DNAH11: variants seen among roughly 807,000 people sequenced by gnomAD.
DNAH11 encodes dynein axonemal heavy chain 11, also known as axonemal beta dynein heavy chain 11.
Under a neutral mutation model 526.0 loss-of-function variants are expected in DNAH11, and 442 were observed. That is an observed-to-expected ratio of 0.84 (90% CI 0.78 to 0.91). The LOEUF is 0.91. DNAH11 is among the 40% of genes least tolerant of loss of function. The pLI is 0.00. For missense variants in DNAH11, 6,989 were observed against 5,448.7 expected, an observed-to-expected ratio of 1.28 and a Z score of -8.90; for synonymous variants, 2,461 against 1,935.9, an observed-to-expected ratio of 1.27 and a Z score of -7.12.
intron 12 of DNAH11, among the ~76,000 whole-genome samples, chr7:21,590,177 A>G (rs1185450440): frequency 7.2e-5 from 11 of 152,300 alleles, no homozygotes; most frequent in Non-Finnish European, 1.5e-5. Context: ...GTATGTGTAT[A>G]TAATTATACA....
chr7:21,892,389 C>T, intron 76 of DNAH11, 36 bp from the exon 77 acceptor site: 1 of 1,582,144 alleles, frequency 6.3e-7, no homozygotes, highest in Non-Finnish European at 8.6e-7. Flanking sequence ...TGCCTACCTA[C>T]ATTTGGAATA....
At chr7:21,707,604 A>G (rs1271533817) in intron 39 of DNAH11, 95 bp from the exon 40 acceptor site, 40 of 1,435,912 alleles carry the variant, frequency 2.8e-5, no homozygotes, top group Non-Finnish European at 3.7e-5. Context: ...ATCTAGGAAC[A>G]TATAATGAAT....
At chr7:21,766,229 A>G (rs550781114) in intron 55 of DNAH11, among the ~76,000 whole-genome samples, 1 of 152,358 alleles carries the variant, frequency 6.6e-6, no homozygotes, top group African/African-American at 2.4e-5. Flanking sequence ...ACAAAACAAC[A>G]AAAGCTTCAA....
Position 21,779,062 on chromosome 7 carries a change from A to G in DNAH11, c.9441A>G (p.Lys3147=). The G allele has an allele frequency of 6.2e-7, 1 of 1,613,470 alleles. No individual in the cohort carries two copies. The highest frequency in any genetic ancestry group is 8.5e-7 in the Non-Finnish European group (1 of 1,179,554). The change falls in exon 57 of 82, where the codon AAA becomes AAG. Residue 3147 remains lysine (K), a synonymous_variant. Coordinates refer to ENST00000409508, the MANE Select transcript of DNAH11 (RefSeq NM_001277115.2). ...LITKIGLQTE[K]VSREKTIADA... is the part of the protein sequence containing the mutation. ...CAAAGATCGGCCTTCAGACGGAGAA[A>G]GTGAGCCGGGAAAAGACCATCGCTG...
chr7:21,900,393 ATTTACATTCTTTTTGC>A (rs1207636983), intron 81 of DNAH11, among the ~76,000 whole-genome samples: 8 of 152,190 alleles, frequency 5.3e-5, no homozygotes, highest in Admixed American at 3.9e-4. Context: ...CTTAGACTGA[ATTTACATTCTTTTTGC>A]TTTTCAATAT....
chr7:21,726,705 C>G (rs554481076), intron 45 of DNAH11, among the ~76,000 whole-genome samples: 1 of 149,804 alleles, frequency 6.7e-6, no homozygotes, highest in African/African-American at 2.5e-5. Context: ...ACTAAAAATA[C>G]AAAAAATTAG....
intron 9 of DNAH11, among the ~76,000 whole-genome samples, chr7:21,582,856 T>G (rs1237860890): frequency 6.6e-6 from 1 of 152,158 alleles, no homozygotes; most frequent in Non-Finnish European, 1.5e-5. Context: ...AGACACAGAT[T>G]TTTAAAAGAT....
chr7:21,691,841 T>C (rs1272928620), intron 35 of DNAH11, among the ~76,000 whole-genome samples: 1 of 152,006 alleles, frequency 6.6e-6, no homozygotes, highest in Non-Finnish European at 1.5e-5. Flanking sequence ...TGTCTTTTCC[T>C]TTTTTTTATT....
chr7:21,624,457 G>A (rs559689555), intron 25 of DNAH11, among the ~76,000 whole-genome samples: 35 of 152,186 alleles, frequency 2.3e-4, no homozygotes, highest in African/African-American at 8.2e-4. Flanking sequence ...ACAGTTTTAG[G>A]ATGGAGCTGT....
intron 69 of DNAH11, among the ~76,000 whole-genome samples, chr7:21,864,120 T>G (rs1783176338): frequency 1.3e-5 from 2 of 152,232 alleles, no homozygotes; most frequent in Admixed American, 6.5e-5. Context: ...TGTAGTTTAT[T>G]GAATAACTAC....
chr7:21,620,104 TA>T, intron 25 of DNAH11, 26 bp downstream of exon 25: 1 of 1,503,960 alleles, frequency 6.6e-7, no homozygotes, highest in South Asian at 1.3e-5. Context: ...TTATTGCATA[TA>T]TTTTTCATTT....
Position 21,705,441 on chromosome 7 carries a change from C to A in DNAH11, c.6469-19C>A. On this transcript the variant is annotated intron_variant, in intron 38 of 81. Transcript: ENST00000409508. ...CCAACTCCTTAAAGGAAACCAGCAA[C>A]CAGCTGTTTGCTCTGCAGGTTGTCC... The A allele has an allele frequency of 6.2e-7, 1 of 1,612,742 alleles. No homozygotes were observed. The highest frequency in any genetic ancestry group is 8.5e-7 in the Non-Finnish European group (1 of 1,179,052).
chr7:21,825,237 C>T (rs1366668551), intron 65 of DNAH11, among the ~76,000 whole-genome samples: 1 of 152,040 alleles, frequency 6.6e-6, no homozygotes, highest in Non-Finnish European at 1.5e-5. Flanking sequence ...TATTGAAGGC[C>T]ATTTTGGTTA....
chr7:21,883,889 A>G (rs1375889006), intron 75 of DNAH11, among the ~76,000 whole-genome samples: 1 of 152,106 alleles, frequency 6.6e-6, no homozygotes, highest in Non-Finnish European at 1.5e-5. Context: ...AAAATTTTTA[A>G]AAAATTAGCG....
intron 32 of DNAH11, 42 bp from the exon 33 acceptor site, chr7:21,687,057 C>G: frequency 6.4e-7 from 1 of 1,555,858 alleles, no homozygotes; most frequent in East Asian, 2.3e-5. Context: ...TTATGAAAAT[C>G]TCATATTAGA....
intron 54 of DNAH11, among the ~76,000 whole-genome samples, chr7:21,759,263 A>C (rs1786781756): frequency 6.6e-6 from 1 of 152,220 alleles, no homozygotes; most frequent in Admixed American, 6.5e-5. Context: ...AAACTCGCTG[A>C]TGTCAAACAT....
At chr7:21,692,099 T>A (rs988638186) in intron 35 of DNAH11, among the ~76,000 whole-genome samples, 4 of 152,236 alleles carry the variant, frequency 2.6e-5, no homozygotes, top group Non-Finnish European at 5.9e-5. Flanking sequence ...ATTTTTTTGG[T>A]TCAGTTTTCC....
At position 21,640,878 on chromosome 7, in the gene DNAH11, G is replaced by T. The variant is rs77298786; in HGVS notation, c.4944+1813G>T. On this transcript the variant is annotated intron_variant, in intron 28 of 81. Transcript: ENST00000409508. ...CCCCGTCTCTGTCCATTTATCATGA[G>T]GAGGGGTTTAGGGGTGTGATCTGTC... Among the ~76,000 whole-genome samples the T allele has an allele frequency of 1.1e-4, 16 of 152,276 alleles. No homozygotes were observed. The East Asian group carries it at 3.1e-3, about 29-fold the overall frequency.
chr7:21,762,018 C>A (rs1008331096), intron 54 of DNAH11, among the ~76,000 whole-genome samples: 3 of 152,144 alleles, frequency 2.0e-5, no homozygotes, highest in Admixed American at 6.5e-5. Flanking sequence ...CAGATGGCCG[C>A]ATCTGAAGTG....
Sources: gnomAD v4.1 joint callset for allele counts (sites outside exome capture counted in the v4.1 genomes callset) on GRCh38, gnomAD v4.1.1 for gene constraint, MANE v1.5 for transcripts, NCBI Gene and HGNC (gene_info 2026-07-23, HGNC 2026-07-21) for gene names.